The following TMEM182 variants were observed in gnomAD, a reference collection of about 807,000 sequenced individuals.
The protein encoded by TMEM182 is transmembrane protein 182.
Under a neutral mutation model 26.8 loss-of-function variants are expected in TMEM182, and 20 were observed. The observed-to-expected ratio is 0.75, with a 90% CI of 0.53 to 1.09. The LOEUF is 1.09. Among genes scored for constraint, TMEM182 ranks in the 50% least tolerant of loss-of-function variants. TMEM182 has a pLI of 0.00. For synonymous variants in TMEM182, 109 were observed against 102.2 expected (o/e 1.07, Z -0.40); for missense variants, 277 against 275.5 (o/e 1.01, Z -0.04).
intron 4 of TMEM182, among the ~76,000 whole-genome samples, chr2:102,806,486 GTCA>G (rs1257186413): frequency 6.6e-6 from 1 of 152,058 alleles, no homozygotes; most frequent in East Asian, 1.9e-4. Context: ...TGCATTGGAG[GTCA>G]TCATTCCCTT....
intron 1 of TMEM182, among the ~76,000 whole-genome samples, chr2:102,755,449 G>T (rs986393637): frequency 6.6e-6 from 1 of 152,158 alleles, no homozygotes; most frequent in African/African-American, 2.4e-5. Context: ...GATCTTACCA[G>T]GTTCCAAAGT....
chr2:102,837,180 C>T (rs979101111), intron 3 of TMEM182, among the ~76,000 whole-genome samples: 1 of 152,056 alleles, frequency 6.6e-6, no homozygotes, highest in African/African-American at 2.4e-5. Context: ...ACATTAGTTC[C>T]AACCCAATTC....
At chr2:102,841,033 T>A (rs959691343) in intron 3 of TMEM182, among the ~76,000 whole-genome samples, 1 of 152,132 alleles carries the variant, frequency 6.6e-6, no homozygotes, top group Non-Finnish European at 1.5e-5. Flanking sequence ...TGTTACTTTG[T>A]TCCTAAGTGC....
intron 3 of TMEM182, among the ~76,000 whole-genome samples, chr2:102,764,936 C>A (rs189424264): frequency 5.3e-5 from 8 of 151,872 alleles, no homozygotes; most frequent in Non-Finnish European, 1.5e-5. Flanking sequence ...AGGAGACAGA[C>A]AGACAGATAT....
intron 3 of TMEM182, among the ~76,000 whole-genome samples, chr2:102,828,405 T>G (rs1465214808): frequency 2.0e-5 from 3 of 152,348 alleles, no homozygotes; most frequent in Admixed American, 6.5e-5. Context: ...ACTTACTTTT[T>G]TCTGCCTGTG....
At position 102,815,395 on chromosome 2, in the gene TMEM182, T is replaced by G; in HGVS notation, c.*427T>G. 3 of 998,328 alleles carry G rather than the reference T, an allele frequency of 3.0e-6. No individual in the cohort carries two copies. The highest frequency in any genetic ancestry group is 3.6e-6 in the Non-Finnish European group (3 of 838,504). 61.8% of individuals were successfully genotyped at this position (998,328 alleles called of 1,614,324 possible). A position where few individuals can be genotyped will look rare whatever the true frequency, so the allele number is the denominator to read the frequency against. ...TGGGCAAGGTTGTCAGAGAATTTAT[T>G]TTGTTTCTTGCCCACACAGATAATA... On this transcript the variant is annotated 3_prime_UTR_variant, in exon 5 of 5. Coordinates refer to ENST00000412401, the MANE Select transcript of TMEM182 (RefSeq NM_144632.5).
intron 3 of TMEM182, among the ~76,000 whole-genome samples, chr2:102,790,823 A>C (rs1418757416): frequency 6.6e-6 from 1 of 152,188 alleles, no homozygotes; most frequent in African/African-American, 2.4e-5. Context: ...ATATATTTTT[A>C]TGGATAAAAT....
chr2:102,752,244 T>G (rs1679894166), intron 1 of TMEM182, among the ~76,000 whole-genome samples: 1 of 152,192 alleles, frequency 6.6e-6, no homozygotes, highest in African/African-American at 2.4e-5. Context: ...GCAAAAGAGC[T>G]GACAAACCTC....
chr2:102,793,799 C>A (rs745533617), intron 3 of TMEM182, among the ~76,000 whole-genome samples: 1 of 152,068 alleles, frequency 6.6e-6, no homozygotes, highest in East Asian at 1.9e-4. Context: ...TCCACAGATG[C>A]AAAACCCAGA....
At chr2:102,818,823 ACT>A (rs777071005), downstream of TMEM182, among the ~76,000 whole-genome samples, 1 of 152,084 alleles carries the variant, frequency 6.6e-6, no homozygotes, top group Non-Finnish European at 1.5e-5. Context: ...ATAGATAGAT[ACT>A]CTCTATATCT....
At chr2:102,756,704 G>A (rs1213906353) in intron 1 of TMEM182, among the ~76,000 whole-genome samples, 9 of 152,088 alleles carry the variant, frequency 5.9e-5, no homozygotes, top group South Asian at 2.1e-4. Flanking sequence ...GCGAGACTCC[G>A]TCTCAAGAAA....
intron 3 of TMEM182, among the ~76,000 whole-genome samples, chr2:102,776,597 A>G (rs964745544): frequency 1.3e-5 from 2 of 152,142 alleles, no homozygotes; most frequent in Admixed American, 1.3e-4. Flanking sequence ...AGCTTTGGCA[A>G]TTATTAATAA....
At chr2:102,819,006 G>A (rs900383846), downstream of TMEM182, among the ~76,000 whole-genome samples, 5 of 152,150 alleles carry the variant, frequency 3.3e-5, no homozygotes, top group African/African-American at 9.7e-5. Context: ...GATAATTTAG[G>A]GAAGGAGAGG....
In TMEM182 at chr2:102,816,673, G is replaced by A; in HGVS notation, c.*1705G>A. On this transcript the variant is annotated 3_prime_UTR_variant, in exon 5 of 5. Coordinates refer to ENST00000412401, the MANE Select transcript of TMEM182 (RefSeq NM_144632.5). ...TGCTTCATTTACTTCTTTGCTTTTG[G>A]CTTTGTTATTAGAAAAAATAATTAT... 1.0e-6 allele frequency: 1 copy of A among 985,282 alleles called. No homozygotes were observed. The highest frequency in any genetic ancestry group is 1.7e-5 in the African/African-American group (1 of 57,184). The allele number at this position is 985,282 out of a possible 1,614,324, so 61.0% of individuals were successfully genotyped here.
chr2:102,831,963 A>G (rs1262381308), intron 3 of TMEM182, among the ~76,000 whole-genome samples: 2 of 152,190 alleles, frequency 1.3e-5, no homozygotes, highest in Non-Finnish European at 1.5e-5. Context: ...TTTCATATGT[A>G]TTATGTAAAG....
rs1680350545 is a variant in TMEM182 at position 102,764,535 on chromosome 2, A to C, written c.331+108A>C. 4 of 790,712 alleles carry C rather than the reference A, an allele frequency of 5.1e-6. No individual in the cohort carries two copies. The East Asian group carries it at 1.2e-4, about 23-fold the overall frequency. 49.0% of individuals were successfully genotyped at this position (790,712 alleles called of 1,614,324 possible). On this transcript the variant is annotated intron_variant, in intron 3 of 4. Transcript: ENST00000412401. ...TTAAAAAAATAATTTAAGACCTGTA[A>C]TTTCAATATTTTTGATATCTGTTAG...
At chr2:102,811,239 A>T (rs959688516) in intron 4 of TMEM182, among the ~76,000 whole-genome samples, 1 of 152,016 alleles carries the variant, frequency 6.6e-6, no homozygotes. Flanking sequence ...TTTTTCTTTA[A>T]TGATTGAGTT....
At chr2:102,788,965 A>G (rs2104711196) in intron 3 of TMEM182, among the ~76,000 whole-genome samples, 1 of 152,266 alleles carries the variant, frequency 6.6e-6, no homozygotes, top group East Asian at 1.9e-4. Flanking sequence ...TGCAGGCACT[A>G]CTGTATTTTT....
chr2:102,761,319 AAG>A (rs1016404207), upstream of TMEM182, among the ~76,000 whole-genome samples: 5 of 152,166 alleles, frequency 3.3e-5, no homozygotes, highest in East Asian at 1.9e-4. Flanking sequence ...ATGAAGGAAA[AAG>A]AAGTCGATCA....
Sources: allele counts gnomAD v4.1 joint callset (sites outside exome capture counted in the v4.1 genomes callset), GRCh38; gene constraint gnomAD v4.1.1; transcripts MANE v1.5; gene names NCBI Gene and HGNC (gene_info 2026-07-23, HGNC 2026-07-21).